The following PDE10A variants were observed in gnomAD, a reference collection of about 807,000 sequenced individuals.
The protein encoded by PDE10A is phosphodiesterase 10A, also known as cAMP and cAMP-inhibited cGMP 3',5'-cyclic phosphodiesterase 10A.
In PDE10A, 39 loss-of-function variants were observed where a neutral mutation model predicts 97.7. The observed-to-expected ratio is 0.40, with a 90% CI of 0.31 to 0.52. The LOEUF is 0.52. Among genes scored for constraint, PDE10A ranks in the 20% least tolerant of loss-of-function variants. PDE10A has a pLI of 0.56. For missense variants in PDE10A, 731 were observed against 1,047.8 expected, an observed-to-expected ratio of 0.70 and a Z score of 4.17; for synonymous variants, 371 against 376.8, an observed-to-expected ratio of 0.98 and a Z score of 0.18.
At chr6:165,389,046 A>T (rs1785496059) in intron 16 of PDE10A, among the ~76,000 whole-genome samples, 1 of 152,202 alleles carries the variant, frequency 6.6e-6, no homozygotes, top group Non-Finnish European at 1.5e-5. Context: ...GGAGAGCGGC[A>T]AGCGCAGTGT....
intron 17 of PDE10A, among the ~76,000 whole-genome samples, chr6:165,380,221 A>C (rs1784849880): frequency 6.6e-6 from 1 of 152,246 alleles, no homozygotes; most frequent in Non-Finnish European, 1.5e-5. Flanking sequence ...CAGATTCATC[A>C]ATTATTTTGA....
chr6:165,823,203 G>C (rs1779622264), intron 1 of PDE10A, among the ~76,000 whole-genome samples: 2 of 151,554 alleles, frequency 1.3e-5, no homozygotes, highest in Admixed American at 6.6e-5. Flanking sequence ...ATACAAACAT[G>C]CTGTACAAAA....
intron 18 of PDE10A, among the ~76,000 whole-genome samples, chr6:165,349,403 C>T (rs993640887): frequency 1.0e-5 from 1 of 99,622 alleles, no homozygotes; most frequent in South Asian, 2.7e-4. Flanking sequence ...GTTGCCCCTG[C>T]CCTAGGAACT....
chr6:165,873,622 T>C (rs577051675), intron 1 of PDE10A, among the ~76,000 whole-genome samples: 2 of 152,342 alleles, frequency 1.3e-5, no homozygotes, highest in South Asian at 4.1e-4. Context: ...AAAAACTTAT[T>C]TGGGTTTAAG....
intron 1 of PDE10A, among the ~76,000 whole-genome samples, chr6:165,794,652 C>A (rs1778782129): frequency 6.6e-6 from 1 of 152,168 alleles, no homozygotes; most frequent in Non-Finnish European, 1.5e-5. Flanking sequence ...CTCTCACACA[C>A]ATTCACACAC....
intron 1 of PDE10A, among the ~76,000 whole-genome samples, chr6:165,579,999 A>G (rs1246308134): frequency 1.3e-5 from 2 of 152,114 alleles, no homozygotes; most frequent in Non-Finnish European, 2.9e-5. Context: ...TCTGTTCTAC[A>G]TCATTTTTCC....
intron 1 of PDE10A, among the ~76,000 whole-genome samples, chr6:165,744,431 T>C (rs1792798850): frequency 6.6e-6 from 1 of 152,228 alleles, no homozygotes; most frequent in Admixed American, 6.5e-5. Flanking sequence ...TCATGTTTAA[T>C]TCTAAATTGT....
At chr6:165,412,704 A>G (rs766935628) in intron 13 of PDE10A, among the ~76,000 whole-genome samples, 2 of 152,092 alleles carry the variant, frequency 1.3e-5, no homozygotes, top group Non-Finnish European at 2.9e-5. Flanking sequence ...CGCTTGTCCT[A>G]TGAGTTACAC....
chr6:165,709,836 G>C (rs983651322), intron 1 of PDE10A, among the ~76,000 whole-genome samples: 10 of 150,590 alleles, frequency 6.6e-5, no homozygotes, highest in African/African-American at 2.4e-4. Flanking sequence ...AGAAGACTGA[G>C]TGGTCTTTGA....
At chr6:165,959,327 G>A (rs1453713649) in intron 1 of PDE10A, among the ~76,000 whole-genome samples, 2 of 152,130 alleles carry the variant, frequency 1.3e-5, no homozygotes, top group East Asian at 3.9e-4. Context: ...AAGTGAGGGA[G>A]GGCAAATGGG....
intron 6 of PDE10A, among the ~76,000 whole-genome samples, chr6:165,433,927 G>T (rs950305345): frequency 6.9e-6 from 1 of 145,310 alleles, no homozygotes; most frequent in Non-Finnish European, 1.5e-5. Flanking sequence ...TGAGGCAGGA[G>T]AATGGCGTGA....
intron 1 of PDE10A, among the ~76,000 whole-genome samples, chr6:165,845,193 G>A (rs986741252): frequency 1.3e-5 from 2 of 152,158 alleles, no homozygotes; most frequent in African/African-American, 2.4e-5. Flanking sequence ...ATGAAAAACG[G>A]TTTCAATGTT....
intron 1 of PDE10A, among the ~76,000 whole-genome samples, chr6:165,851,010 C>T (rs1780557244): frequency 6.6e-6 from 1 of 152,096 alleles, no homozygotes; most frequent in African/African-American, 2.4e-5. Flanking sequence ...ATAGACTCTG[C>T]CTGCGTGTAT....
intron 1 of PDE10A, among the ~76,000 whole-genome samples, chr6:165,718,066 G>A (rs1408915914): frequency 6.6e-6 from 1 of 152,150 alleles, no homozygotes; most frequent in Non-Finnish European, 1.5e-5. Flanking sequence ...TCTGTTGATT[G>A]TGTCCTTTGA....
intron 1 of PDE10A, among the ~76,000 whole-genome samples, chr6:165,585,328 C>T (rs1316603807): frequency 6.6e-6 from 1 of 152,164 alleles, no homozygotes; most frequent in Non-Finnish European, 1.5e-5. Context: ...TATGTGGGAA[C>T]TTGACTAGTC....
intron 1 of PDE10A, among the ~76,000 whole-genome samples, chr6:165,722,376 C>T (rs1042474121): frequency 6.6e-6 from 1 of 152,216 alleles, no homozygotes; most frequent in African/African-American, 2.4e-5. Flanking sequence ...AGAAAAGATA[C>T]AGTAGTCCCC....
At chr6:165,968,907 A>C (rs1408856690) in intron 1 of PDE10A, among the ~76,000 whole-genome samples, 1 of 152,200 alleles carries the variant, frequency 6.6e-6, no homozygotes, top group Non-Finnish European at 1.5e-5. Flanking sequence ...ATGGGAATCC[A>C]TCTTAAGGTT....
chr6:165,788,865 T>C (rs1487402960), intron 1 of PDE10A, among the ~76,000 whole-genome samples: 1 of 152,138 alleles, frequency 6.6e-6, no homozygotes, highest in Non-Finnish European at 1.5e-5. Flanking sequence ...GCCTTAGGTA[T>C]TCAGTGGAGA....
At chr6:165,532,297 T>TA (rs568229784) in intron 2 of PDE10A, among the ~76,000 whole-genome samples, 37 of 151,712 alleles carry the variant, frequency 2.4e-4, no homozygotes, top group Non-Finnish European at 4.1e-4. Flanking sequence ...GGAGAATAGA[T>TA]AGATTCTCCT....
Sources: gnomAD v4.1 joint callset for allele counts (sites outside exome capture counted in the v4.1 genomes callset) on GRCh38, gnomAD v4.1.1 for gene constraint, MANE v1.5 for transcripts, NCBI Gene and HGNC (gene_info 2026-07-23, HGNC 2026-07-21) for gene names.